The following PTPRD variants were observed in gnomAD, a reference collection of about 807,000 sequenced individuals.
PTPRD encodes the protein protein tyrosine phosphatase receptor type D.
Under a neutral mutation model 214.5 loss-of-function variants are expected in PTPRD, and 34 were observed. The ratio of observed to expected loss-of-function variants is 0.16; its 90% confidence interval spans 0.12 to 0.21. The LOEUF is 0.21. Ranked by LOEUF, PTPRD falls within the 10% of genes least tolerant of loss-of-function variation. PTPRD has a pLI of 1.00. For synonymous variants in PTPRD, 1,128 were observed against 845.7 expected (o/e 1.33, Z -5.79); for missense variants, 2,545 against 2,398.7 (o/e 1.06, Z -1.27).
intron 9 of PTPRD, among the ~76,000 whole-genome samples, chr9:9,290,469 C>T (rs1950801982): frequency 6.6e-6 from 1 of 151,454 alleles, no homozygotes. Flanking sequence ...GATATAGTCA[C>T]TTGTTGATTT....
chr9:9,192,832 G>C (rs1593266469), intron 9 of PTPRD, among the ~76,000 whole-genome samples: 1 of 152,074 alleles, frequency 6.6e-6, no homozygotes, highest in East Asian at 1.9e-4. Flanking sequence ...ATAAATATCA[G>C]AGACTGCAGA....
chr9:9,177,951 T>A (rs774762193), intron 10 of PTPRD, among the ~76,000 whole-genome samples: 3 of 152,062 alleles, frequency 2.0e-5, no homozygotes, highest in East Asian at 3.9e-4. Context: ...ATTTGAAACA[T>A]GAAATATTTT....
intron 2 of PTPRD, among the ~76,000 whole-genome samples, chr9:10,567,919 TA>T (rs2066141656): frequency 1.3e-5 from 2 of 151,264 alleles, no homozygotes; most frequent in South Asian, 4.2e-4. Context: ...ATCATTGTTT[TA>T]TTTTTTATTT....
chr9:10,232,708 T>C (rs775281274), intron 3 of PTPRD, among the ~76,000 whole-genome samples: 1 of 152,012 alleles, frequency 6.6e-6, no homozygotes, highest in African/African-American at 2.4e-5. Context: ...CTGTATCCCA[T>C]TTCAATTTTC....
intron 5 of PTPRD, among the ~76,000 whole-genome samples, chr9:9,908,014 A>C (rs930588453): frequency 6.6e-6 from 1 of 151,968 alleles, no homozygotes; most frequent in African/African-American, 2.4e-5. Context: ...AGGACTATAT[A>C]GTATACAGTG....
At position 9,939,871 on chromosome 9, in the gene PTPRD, C is replaced by A. The variant is rs527394890; in HGVS notation, c.-471-1261G>T. ...ACCTTAAGAGCAAATATCATTCTCTCCTTGTAGCCCTTTTTAATCTCAGAT... is the reference window on the plus strand; with the variant it reads ...ACCTTAAGAGCAAATATCATTCTCTACTTGTAGCCCTTTTTAATCTCAGAT... On this transcript the variant is annotated intron_variant, in intron 4 of 45. Transcript: ENST00000381196. Among the ~76,000 whole-genome samples, 5 of 152,280 alleles carry A rather than the reference C, an allele frequency of 3.3e-5. No individual in the cohort carries two copies. In the East Asian group the frequency reaches 9.6e-4, roughly 29 times the overall value.
At chr9:9,677,919 C>A (rs933016554) in intron 7 of PTPRD, among the ~76,000 whole-genome samples, 1 of 152,036 alleles carries the variant, frequency 6.6e-6, no homozygotes, top group Non-Finnish European at 1.5e-5. Flanking sequence ...TTCTTACACA[C>A]CAATAACAGA....
intron 7 of PTPRD, among the ~76,000 whole-genome samples, chr9:9,719,288 GTCCACAT>G (rs920876993): frequency 6.6e-6 from 1 of 152,078 alleles, no homozygotes; most frequent in Non-Finnish European, 1.5e-5. Context: ...ACCTCCAGTT[GTCCACAT>G]AACCTCATTC....
rs775411908 is a variant in PTPRD, at chr9:8,504,167, A to AT, written c.1822+93dup. ...CTAACCTAGAGACTAACTATTAAGC[A>AT]TATTAGCAGGTTTGCTTATTGGTGA... On this transcript the variant is annotated intron_variant, in intron 23 of 45. Coordinates refer to ENST00000381196, the MANE Select transcript of PTPRD (RefSeq NM_002839.4). 365 of 1,250,238 alleles carry AT rather than the reference A, an allele frequency of 2.9e-4. 1 individual carries two copies. Among genetic ancestry groups the AT allele is most frequent in the Non-Finnish European group, 3.3e-4 (283 of 861,640 alleles). The allele number at this position is 1,250,238 out of a possible 1,614,324, so 77.4% of individuals were successfully genotyped here. A position where few individuals can be genotyped will look rare whatever the true frequency, so the allele number is the denominator to read the frequency against.
chr9:8,684,967 T>A (rs1162292102), intron 12 of PTPRD, among the ~76,000 whole-genome samples: 1 of 152,124 alleles, frequency 6.6e-6, no homozygotes, highest in African/African-American at 2.4e-5. Flanking sequence ...CCGAGTAAAT[T>A]GCTTTGAGTG....
intron 9 of PTPRD, among the ~76,000 whole-genome samples, chr9:9,378,714 G>A (rs1306813103): frequency 1.4e-5 from 2 of 146,192 alleles, no homozygotes; most frequent in African/African-American, 5.0e-5. Flanking sequence ...CATTCTAATA[G>A]GTGTGTAGTT....
At chr9:8,839,500 T>C (rs1269001888) in intron 11 of PTPRD, among the ~76,000 whole-genome samples, 1 of 152,050 alleles carries the variant, frequency 6.6e-6, no homozygotes. Flanking sequence ...AATTTTTGTA[T>C]TTTTAGTAGA....
chr9:9,024,825 G>C (rs1053186168), intron 10 of PTPRD, among the ~76,000 whole-genome samples: 1 of 151,688 alleles, frequency 6.6e-6, no homozygotes, highest in East Asian at 1.9e-4. Flanking sequence ...TAAACATAAA[G>C]ATTTGATTTA....
chr9:10,423,538 C>T (rs572035487), intron 2 of PTPRD, among the ~76,000 whole-genome samples: 1 of 151,986 alleles, frequency 6.6e-6, no homozygotes, highest in South Asian at 2.1e-4. Flanking sequence ...ATGCTAGTAT[C>T]ATTCCCTCTT....
At chr9:10,048,438 G>A (rs1230807986) in intron 3 of PTPRD, among the ~76,000 whole-genome samples, 1 of 152,124 alleles carries the variant, frequency 6.6e-6, no homozygotes, top group East Asian at 1.9e-4. Flanking sequence ...TATAATCTTT[G>A]ACCTGTGCTT....
chr9:10,461,961 T>C (rs574376013), intron 2 of PTPRD, among the ~76,000 whole-genome samples: 2 of 152,182 alleles, frequency 1.3e-5, no homozygotes, highest in Admixed American at 1.3e-4. Flanking sequence ...AGATCAAATA[T>C]ATAGAGATGG....
chr9:9,157,130 T>A (rs1377076335), intron 10 of PTPRD, among the ~76,000 whole-genome samples: 1 of 152,146 alleles, frequency 6.6e-6, no homozygotes, highest in Non-Finnish European at 1.5e-5. Context: ...GTAGCAAAAG[T>A]AGCCCAAAGA....
At chr9:9,525,442 T>TA (rs1358856131) in intron 8 of PTPRD, among the ~76,000 whole-genome samples, 1 of 152,122 alleles carries the variant, frequency 6.6e-6, no homozygotes, top group Non-Finnish European at 1.5e-5. Context: ...AAAAGTAAAT[T>TA]AAAAAAATAC....
At chr9:10,103,377 T>TTATATA (rs1185795827) in intron 3 of PTPRD, among the ~76,000 whole-genome samples, 11 of 72,424 alleles carry the variant, frequency 1.5e-4, no homozygotes, top group South Asian at 9.7e-4. Context: ...AAACTGCATA[T>TTATATA]TATATATATA....
Sources: allele counts gnomAD v4.1 joint callset (sites outside exome capture counted in the v4.1 genomes callset), GRCh38; gene constraint gnomAD v4.1.1; transcripts MANE v1.5; gene names NCBI Gene and HGNC (gene_info 2026-07-23, HGNC 2026-07-21).